The following ARNT2 variants were observed in gnomAD, a reference collection of about 807,000 sequenced individuals.
ARNT2 encodes the protein aryl hydrocarbon receptor nuclear translocator 2.
A neutral mutation model predicts 91.7 loss-of-function variants in ARNT2; 36 were observed. That is an observed-to-expected ratio of 0.39 (90% CI 0.30 to 0.52). ARNT2 has a LOEUF of 0.52. Ranked by LOEUF, ARNT2 falls within the 20% of genes least tolerant of loss-of-function variation. The pLI, the probability that ARNT2 is intolerant of heterozygous loss-of-function variation, is 0.72. For missense variants in ARNT2, 775 were observed against 939.3 expected (o/e 0.83, Z 2.29); for synonymous variants, 365 against 347.1 (o/e 1.05, Z -0.57).
At chr15:80,566,643 A>G (rs1032485260) in intron 12 of ARNT2, among the ~76,000 whole-genome samples, 19 of 152,216 alleles carry the variant, frequency 1.2e-4, no homozygotes, top group Admixed American at 6.5e-5. Context: ...AGCACCTTAC[A>G]GCCTGGCTTT....
chr15:80,569,103 C>A (rs538725301), intron 12 of ARNT2, among the ~76,000 whole-genome samples: 21 of 152,312 alleles, frequency 1.4e-4, no homozygotes, highest in African/African-American at 4.6e-4. Flanking sequence ...CCAGACGCCT[C>A]CCAGTGTGCT....
intron 1 of ARNT2, among the ~76,000 whole-genome samples, chr15:80,409,171 C>T (rs1895647716): frequency 6.6e-6 from 1 of 152,182 alleles, no homozygotes; most frequent in Non-Finnish European, 1.5e-5. Context: ...CTTATATCTA[C>T]CGTTATAATA....
chr15:80,484,610 T>G (rs1668205704), intron 5 of ARNT2, among the ~76,000 whole-genome samples: 1 of 152,270 alleles, frequency 6.6e-6, no homozygotes, highest in South Asian at 2.1e-4. Context: ...TGTTTTTTTC[T>G]CATATTTTAT....
At chr15:80,467,687 C>T (rs751895542) in intron 3 of ARNT2, among the ~76,000 whole-genome samples, 125 of 152,344 alleles carry the variant, frequency 8.2e-4, no homozygotes, top group Non-Finnish European at 1.4e-3. Flanking sequence ...CCTCAGCCAA[C>T]GGTCTCTGTG....
rs928855970 is a variant in ARNT2 at position 80,558,325 on chromosome 15, C to T, written c.1164+3186C>T. 6.1e-5 allele frequency among the ~76,000 whole-genome samples: 9 copies of T among 146,954 alleles called. No homozygotes were observed. In the South Asian group the frequency reaches 6.4e-4, roughly 10 times the overall value. On this transcript the variant is annotated intron_variant, in intron 11 of 18. Transcript: ENST00000303329. Reference sequence around the variant, plus strand: ...ACCTCCCTGTGGGCAGACTTCATTACGTCTGTGCTTTTTTTTTTTTTTTTT... The same window carrying T: ...ACCTCCCTGTGGGCAGACTTCATTATGTCTGTGCTTTTTTTTTTTTTTTTT...
chr15:80,580,501 C>A lies in ARNT2; in HGVS notation c.1704C>A (p.Asn568Lys). Residue 568 changes from asparagine to lysine, a missense_variant, in exon 16 of 19, where the codon AAC becomes AAA. Physicochemically the swap from Asn to Lys is moderately conservative, Grantham distance 94. This residue lies in a region of ARNT2 where 325 missense variants were observed against 359.9 expected (regional missense o/e 0.90). Transcript: ENST00000303329. ...TGTCCCAAATCTCCCGGCAGCTAAA[C>A]CAGAGTCAGGTGGCATGGACAGGGA... ...QNMSQISRQL[N>K]QSQVAWTGSR... 1 of 1,614,160 alleles carries A rather than the reference C, an allele frequency of 6.2e-7. No homozygotes were observed. Among genetic ancestry groups the A allele is most frequent in the Non-Finnish European group, 8.5e-7 (1 of 1,180,018 alleles).
Position 80,552,780 on chromosome 15 carries a change from TA to T in ARNT2, c.1089+7del. On this transcript the variant is annotated splice_region_variant and intron_variant, in intron 10 of 18. Coordinates refer to ENST00000303329, the MANE Select transcript of ARNT2 (RefSeq NM_014862.4). ...TGATTGGCTACCAACCCCAGGTGAG[TA>T]GATAGTTTTGAGCCTATGGCAATTG... is the stretch of plus-strand genomic sequence containing the variant. 1.2e-6 allele frequency: 2 copies of T among 1,613,296 alleles called. No individual in the cohort carries two copies. Among genetic ancestry groups the T allele is most frequent in the Non-Finnish European group, 1.7e-6 (2 of 1,179,590 alleles).
chr15:80,525,857 A>C (rs1897631771), intron 8 of ARNT2, among the ~76,000 whole-genome samples: 1 of 152,196 alleles, frequency 6.6e-6, no homozygotes, highest in African/African-American at 2.4e-5. Flanking sequence ...TTGCTTGCTC[A>C]TGAGTTCAAG....
intron 17 of ARNT2, among the ~76,000 whole-genome samples, chr15:80,581,852 G>A (rs1898802951): frequency 6.6e-6 from 1 of 152,168 alleles, no homozygotes; most frequent in African/African-American, 2.4e-5. Context: ...AAAACCTCAG[G>A]CCATAGAGGG....
At position 80,404,470 on chromosome 15, in the gene ARNT2, C is replaced by T. The variant is rs758897467; in HGVS notation, c.-46C>T. 9 of 1,201,086 alleles carry T rather than the reference C, an allele frequency of 7.5e-6. No homozygotes were observed. Among genetic ancestry groups the T allele is most frequent in the Non-Finnish European group, 9.5e-6 (9 of 949,364 alleles). 74.4% of individuals were successfully genotyped at this position (1,201,086 alleles called of 1,614,324 possible). ...GGCTGAGCGCCGGGCTCCGCGCCGC[C>T]CCTCCCGCGCCCCTGCCAAGCGGGC... On this transcript the variant is annotated 5_prime_UTR_variant, in exon 1 of 19. Coordinates refer to ENST00000303329, the MANE Select transcript of ARNT2 (RefSeq NM_014862.4). This position sits in a 1 kb window ranked among gnomAD's most constrained non-coding sequence, Gnocchi z 5.5.
Position 80,441,636 on chromosome 15 carries a change from T to A in ARNT2, c.32-9244T>A, listed in dbSNP as rs143384072. ...TTTTCTTACTTGGATTCACATGAAA[T>A]GTAGGGAGAGCAAGATGTCTTTTTT... is the stretch of plus-strand genomic sequence containing the variant. On this transcript the variant is annotated intron_variant, in intron 1 of 18. Coordinates refer to ENST00000303329, the MANE Select transcript of ARNT2 (RefSeq NM_014862.4). 2.6e-4 allele frequency among the ~76,000 whole-genome samples: 39 copies of A among 152,350 alleles called. No homozygotes were observed. The East Asian group carries it at 6.9e-3, about 27-fold the overall frequency.
At chr15:80,569,085 C>T (rs1176624347) in intron 12 of ARNT2, among the ~76,000 whole-genome samples, 3 of 152,336 alleles carry the variant, frequency 2.0e-5, no homozygotes, top group East Asian at 1.9e-4. Flanking sequence ...TATTATTAGC[C>T]TCCATCCCCA....
chr15:80,565,143 T>A (rs150129797), intron 12 of ARNT2, among the ~76,000 whole-genome samples: 3 of 152,242 alleles, frequency 2.0e-5, no homozygotes, highest in African/African-American at 7.2e-5. Context: ...CAGGTTGGTG[T>A]CAAACTCCTG....
intron 17 of ARNT2, among the ~76,000 whole-genome samples, chr15:80,584,116 A>G (rs1462438329): frequency 6.6e-6 from 1 of 152,202 alleles, no homozygotes; most frequent in East Asian, 1.9e-4. Context: ...GAAGCTGAGC[A>G]GGAGAGCAGG....
At chr15:80,448,373 G>T (rs895142771) in intron 1 of ARNT2, among the ~76,000 whole-genome samples, 2 of 152,208 alleles carry the variant, frequency 1.3e-5, no homozygotes, top group African/African-American at 4.8e-5. Flanking sequence ...ACAAGAAAAA[G>T]AAAGATCACT....
intron 8 of ARNT2, among the ~76,000 whole-genome samples, chr15:80,535,177 G>C (rs1897801616): frequency 1.3e-5 from 2 of 151,876 alleles, no homozygotes; most frequent in African/African-American, 4.8e-5. Flanking sequence ...GCTTGGTCAG[G>C]TCACAATGCT....
chr15:80,420,643 A>C (rs570637653), intron 1 of ARNT2, among the ~76,000 whole-genome samples: 76 of 151,920 alleles, frequency 5.0e-4, no homozygotes, highest in African/African-American at 1.8e-3. Context: ...TGGACATATA[A>C]AAAGAATTAT....
intron 8 of ARNT2, among the ~76,000 whole-genome samples, chr15:80,536,867 C>T (rs183834483): frequency 3.3e-5 from 5 of 152,182 alleles, no homozygotes; most frequent in Admixed American, 3.3e-4. Context: ...GGGTAATTTC[C>T]AGATGAATGA....
At chr15:80,559,329 C>T (rs1898274249) in intron 11 of ARNT2, among the ~76,000 whole-genome samples, 1 of 1,490 alleles carries the variant, frequency 6.7e-4, no homozygotes, top group Non-Finnish European at 1.1e-3. Context: ...AGCCCCAGAC[C>T]CAGCCCCAGC....
Sources: gnomAD v4.1 joint callset for allele counts (sites outside exome capture counted in the v4.1 genomes callset) on GRCh38, gnomAD v4.1.1 for gene constraint, gnomAD v4.1.1 regional missense constraint, Gnocchi (gnomAD v3.1) non-coding constraint, MANE v1.5 for transcripts, NCBI Gene and HGNC (gene_info 2026-07-23, HGNC 2026-07-21) for gene names.